LRRC4C: variants seen among roughly 807,000 people sequenced by gnomAD.
The protein encoded by LRRC4C is leucine rich repeat containing 4C.
A neutral mutation model predicts 33.6 loss-of-function variants in LRRC4C; 5 were observed. The observed-to-expected ratio is 0.15, with a 90% CI of 0.08 to 0.31. The LOEUF is 0.31. Ranked by LOEUF, LRRC4C falls within the 10% of genes least tolerant of loss-of-function variation. LRRC4C has a pLI of 1.00. For missense variants in LRRC4C, 560 were observed against 796.7 expected (o/e 0.70, Z 3.58); for synonymous variants, 329 against 302.0 (o/e 1.09, Z -0.93).
chr11:40,265,706 A>G (rs1356676905), intron 4 of LRRC4C, among the ~76,000 whole-genome samples: 1 of 152,232 alleles, frequency 6.6e-6, no homozygotes, highest in Admixed American at 6.5e-5. Flanking sequence ...GGAAAAAAAT[A>G]TCAATAAAAT....
chr11:41,374,394 A>G (rs914312932), intron 1 of LRRC4C, among the ~76,000 whole-genome samples: 1 of 152,212 alleles, frequency 6.6e-6, no homozygotes, highest in Non-Finnish European at 1.5e-5. Flanking sequence ...TTTTGTTCCA[A>G]GTGTTTAAAT....
chr11:40,448,984 T>C (rs1188306392), intron 3 of LRRC4C, among the ~76,000 whole-genome samples: 1 of 152,252 alleles, frequency 6.6e-6, no homozygotes, highest in Non-Finnish European at 1.5e-5. Context: ...TTGATTTGCA[T>C]TTCTCTAATG....
intron 1 of LRRC4C, among the ~76,000 whole-genome samples, chr11:41,171,190 G>C (rs1944961277): frequency 6.6e-6 from 1 of 152,224 alleles, no homozygotes; most frequent in South Asian, 2.1e-4. Flanking sequence ...GTGGAAGTCA[G>C]TGTGGCGATT....
At chr11:40,914,429 A>G (rs1368520632) in intron 2 of LRRC4C, among the ~76,000 whole-genome samples, 1 of 152,220 alleles carries the variant, frequency 6.6e-6, no homozygotes, top group Non-Finnish European at 1.5e-5. Context: ...GAATATAAAA[A>G]GAACCAATGA....
intron 3 of LRRC4C, chr11:40,445,945 T>C (rs1951616168): frequency 6.6e-6 from 1 of 152,232 alleles, no homozygotes; most frequent in Non-Finnish European, 1.5e-5. Flanking sequence ...AATATCCTGA[T>C]ATTTTCTGAG....
chr11:41,116,450 T>C (rs1181848755), intron 1 of LRRC4C, among the ~76,000 whole-genome samples: 2 of 152,152 alleles, frequency 1.3e-5, no homozygotes, highest in African/African-American at 2.4e-5. Context: ...TCTGTGATGA[T>C]TGGCTGATCC....
intron 1 of LRRC4C, among the ~76,000 whole-genome samples, chr11:41,140,173 T>C (rs566909271): frequency 6.6e-6 from 1 of 152,164 alleles, no homozygotes; most frequent in Non-Finnish European, 1.5e-5. Flanking sequence ...TAAGATGATG[T>C]ATGTAGTAGA....
chr11:40,256,343 C>T (rs1867201066), intron 4 of LRRC4C, among the ~76,000 whole-genome samples: 1 of 152,146 alleles, frequency 6.6e-6, no homozygotes, highest in Non-Finnish European at 1.5e-5. Flanking sequence ...ACTCTCGGAA[C>T]TGGAAGTAAT....
chr11:40,389,340 A>G (rs1949244393), intron 3 of LRRC4C, among the ~76,000 whole-genome samples: 1 of 152,172 alleles, frequency 6.6e-6, no homozygotes, highest in Non-Finnish European at 1.5e-5. Context: ...CCCCATTCAT[A>G]CATCGCTGTA....
chr11:40,124,139 T>G (rs1324909893), intron 6 of LRRC4C, among the ~76,000 whole-genome samples: 1 of 152,078 alleles, frequency 6.6e-6, no homozygotes, highest in Non-Finnish European at 1.5e-5. Flanking sequence ...CTCACTCAAG[T>G]TAAAAGGGCT....
intron 3 of LRRC4C, among the ~76,000 whole-genome samples, chr11:40,525,907 G>T (rs1956029108): frequency 6.6e-6 from 1 of 152,134 alleles, no homozygotes; most frequent in Non-Finnish European, 1.5e-5. Flanking sequence ...CAGTGGAACA[G>T]ACAGTGGGAC....
chr11:40,654,228 G>A (rs533061925), intron 2 of LRRC4C, among the ~76,000 whole-genome samples: 1 of 152,222 alleles, frequency 6.6e-6, no homozygotes, highest in African/African-American at 2.4e-5. Context: ...GTGAGAAGAG[G>A]GCCACCATCC....
intron 2 of LRRC4C, among the ~76,000 whole-genome samples, chr11:40,923,426 C>T (rs1456878259): frequency 6.6e-6 from 1 of 152,096 alleles, no homozygotes; most frequent in African/African-American, 2.4e-5. Context: ...GTGTATATTG[C>T]TTTGACCAAT....
chr11:41,142,461 C>A (rs991764570), intron 1 of LRRC4C, among the ~76,000 whole-genome samples: 4 of 152,146 alleles, frequency 2.6e-5, no homozygotes, highest in Admixed American at 2.6e-4. Flanking sequence ...TGATGCTTAC[C>A]TGCTGGCTCG....
At chr11:40,921,368 A>C (rs1336540636) in intron 2 of LRRC4C, among the ~76,000 whole-genome samples, 3 of 152,216 alleles carry the variant, frequency 2.0e-5, no homozygotes, top group African/African-American at 7.2e-5. Context: ...GGACCAAGGA[A>C]TGTGAATGAT....
intron 1 of LRRC4C, among the ~76,000 whole-genome samples, chr11:41,457,117 G>T (rs894279554): frequency 4.5e-4 from 69 of 152,006 alleles, no homozygotes; most frequent in African/African-American, 1.7e-3. Context: ...TTGTTGTTTT[G>T]TTTTGAGGTA....
intron 2 of LRRC4C, among the ~76,000 whole-genome samples, chr11:40,720,534 G>A (rs567111391): frequency 3.9e-5 from 6 of 152,296 alleles, no homozygotes; most frequent in African/African-American, 1.4e-4. Context: ...GGGACCAAGT[G>A]AAACATAGTG....
At chr11:40,966,454 GAGA>G (rs1851372991) in intron 1 of LRRC4C, among the ~76,000 whole-genome samples, 1 of 151,892 alleles carries the variant, frequency 6.6e-6, no homozygotes, top group Admixed American at 6.6e-5. Flanking sequence ...TATATGACAG[GAGA>G]AGGCTTCAGA....
intron 5 of LRRC4C, among the ~76,000 whole-genome samples, chr11:40,155,921 T>C (rs117451812): frequency 0.015 from 2,320 of 152,168 alleles, 22 homozygotes; most frequent in Non-Finnish European, 0.024. Flanking sequence ...CAGACTGATA[T>C]CTTTCATGAA....
Sources: gnomAD v4.1 joint callset for allele counts (sites outside exome capture counted in the v4.1 genomes callset) on GRCh38, gnomAD v4.1.1 for gene constraint, MANE v1.5 for transcripts, NCBI Gene and HGNC (gene_info 2026-07-23, HGNC 2026-07-21) for gene names.